The following BCL2L13 variants were observed in gnomAD, a reference collection of about 807,000 sequenced individuals.
BCL2L13 encodes the protein bcl-2-like protein 13.
Under a neutral mutation model 25.8 loss-of-function variants are expected in BCL2L13, and 13 were observed. The observed-to-expected ratio is 0.50, with a 90% CI of 0.33 to 0.80. The LOEUF (loss-of-function observed/expected upper bound fraction) is 0.80. Among genes scored for constraint, BCL2L13 ranks in the 30% least tolerant of loss-of-function variants. The pLI, the probability that BCL2L13 is intolerant of heterozygous loss-of-function variation, is 0.02. For missense variants in BCL2L13, 504 were observed against 574.9 expected, an observed-to-expected ratio of 0.88 and a Z score of 1.26; for synonymous variants, 244 against 230.3, an observed-to-expected ratio of 1.06 and a Z score of -0.54.
intron 6 of BCL2L13, among the ~76,000 whole-genome samples, chr22:17,710,254 T>C (rs1409508441): frequency 2.0e-5 from 3 of 151,636 alleles, no homozygotes; most frequent in Non-Finnish European, 2.9e-5. Context: ...CATTGTAAGG[T>C]AGGGAGGCCA....
chr22:17,629,874 C>G (rs2057969837), intron 1 of BCL2L13, among the ~76,000 whole-genome samples: 1 of 151,140 alleles, frequency 6.6e-6, no homozygotes, highest in African/African-American at 2.4e-5. Context: ...GTCATAAGAA[C>G]GAGGATGTAG....
At chr22:17,677,419 T>G (rs894742637) in intron 2 of BCL2L13, among the ~76,000 whole-genome samples, 1 of 152,174 alleles carries the variant, frequency 6.6e-6, no homozygotes, top group Non-Finnish European at 1.5e-5. Context: ...AATTTGGGAT[T>G]CTTTAATTTG....
At chr22:17,675,793 A>G (rs1304271996) in intron 2 of BCL2L13, among the ~76,000 whole-genome samples, 1 of 152,228 alleles carries the variant, frequency 6.6e-6, no homozygotes, top group African/African-American at 2.4e-5. Context: ...TGCAATGTCC[A>G]ACAAATTTAA....
At chr22:17,694,372 A>G (rs935934943) in intron 4 of BCL2L13, among the ~76,000 whole-genome samples, 7 of 152,072 alleles carry the variant, frequency 4.6e-5, no homozygotes, top group Non-Finnish European at 1.0e-4. Context: ...ATAACACTCC[A>G]AGTTAAAAAT....
intron 1 of BCL2L13, among the ~76,000 whole-genome samples, chr22:17,639,477 C>G (rs1020464340): frequency 6.6e-6 from 1 of 152,172 alleles, no homozygotes; most frequent in Non-Finnish European, 1.5e-5. Flanking sequence ...TCCCAACATT[C>G]TGTAAAGATC....
chr22:17,657,008 G>A (rs1274568794), intron 2 of BCL2L13, among the ~76,000 whole-genome samples: 1 of 152,030 alleles, frequency 6.6e-6, no homozygotes, highest in African/African-American at 2.4e-5. Context: ...TAGTAGAGAC[G>A]GGGTTTCACC....
intron 2 of BCL2L13, among the ~76,000 whole-genome samples, chr22:17,674,203 A>C (rs2059504489): frequency 6.6e-6 from 1 of 152,174 alleles, no homozygotes; most frequent in African/African-American, 2.4e-5. Flanking sequence ...TGAAGTAGAG[A>C]GTTACATTGG....
At chr22:17,693,372 G>GTTTGTTTTTTTTTT (rs1284865411) in intron 4 of BCL2L13, among the ~76,000 whole-genome samples, 1 of 70,612 alleles carries the variant, frequency 1.4e-5, no homozygotes, top group African/African-American at 5.2e-5. Flanking sequence ...TTTAGTGTTT[G>GTTTGTTTTTTTTTT]TTTTTTTTTT....
chr22:17,719,153 C>CAAAAA (rs59630355), intron 6 of BCL2L13, among the ~76,000 whole-genome samples: 7 of 45,492 alleles, frequency 1.5e-4, no homozygotes, highest in Admixed American at 5.7e-4. Flanking sequence ...GGCTCTGTCT[C>CAAAAA]AAAAAAAAAA....
intron 6 of BCL2L13, among the ~76,000 whole-genome samples, chr22:17,710,591 A>G (rs2145754325): frequency 6.6e-6 from 1 of 151,790 alleles, no homozygotes; most frequent in East Asian, 1.9e-4. Context: ...AAAAAAAGTA[A>G]ATAAAAATAA....
intron 4 of BCL2L13, chr22:17,692,396 G>T (rs1436331533): frequency 1.3e-5 from 2 of 152,218 alleles, no homozygotes; most frequent in Non-Finnish European, 2.9e-5. Flanking sequence ...CAAACAACCA[G>T]TAAGGACTAC....
chr22:17,630,066 A>G (rs1397651871), intron 1 of BCL2L13, among the ~76,000 whole-genome samples: 1 of 151,870 alleles, frequency 6.6e-6, no homozygotes, highest in African/African-American at 2.4e-5. Flanking sequence ...CTAAAAATAC[A>G]AAATTAACAG....
At chr22:17,674,084 A>G (rs2059500401) in intron 2 of BCL2L13, among the ~76,000 whole-genome samples, 1 of 152,214 alleles carries the variant, frequency 6.6e-6, no homozygotes, top group South Asian at 2.1e-4. Context: ...ATCATCAAAC[A>G]GCATAGGATA....
chr22:17,679,512 C>T (rs1016333908), intron 2 of BCL2L13, among the ~76,000 whole-genome samples: 1 of 151,688 alleles, frequency 6.6e-6, no homozygotes, highest in African/African-American at 2.4e-5. Flanking sequence ...TCAGGTGATC[C>T]GCCCGCCTTG....
At chr22:17,724,284 C>T (rs1052160202) in intron 6 of BCL2L13, among the ~76,000 whole-genome samples, 1 of 152,108 alleles carries the variant, frequency 6.6e-6, no homozygotes, top group Non-Finnish European at 1.5e-5. Context: ...AAAAATACAA[C>T]AAAAACAATC....
At position 17,642,216 on chromosome 22, in the gene BCL2L13, C is replaced by G. The variant is rs139222972; in HGVS notation, c.-51+3330C>G. ...ATGATCCCACTGCAACCTCGGACTC[C>G]CAGGTTGAACCTAACTCAGTCCCAA... On this transcript the variant is annotated intron_variant, in intron 1 of 6. Coordinates refer to ENST00000317582, the MANE Select transcript of BCL2L13 (RefSeq NM_015367.4). Among the ~76,000 whole-genome samples the G allele has an allele frequency of 9.9e-3, 1,501 of 151,046 alleles. 31 individuals are homozygous for G. The highest frequency in any genetic ancestry group is 0.034 in the African/African-American group (1,399 of 41,062).
At chr22:17,713,450 T>G (rs1012593138) in intron 6 of BCL2L13, among the ~76,000 whole-genome samples, 2 of 143,110 alleles carry the variant, frequency 1.4e-5, no homozygotes, top group African/African-American at 2.6e-5. Flanking sequence ...CCATCATAAG[T>G]TGAAAATGCA....
intron 4 of BCL2L13, among the ~76,000 whole-genome samples, chr22:17,689,736 G>C (rs964647224): frequency 6.6e-6 from 1 of 151,378 alleles, no homozygotes; most frequent in East Asian, 2.0e-4. Flanking sequence ...CCAGCTACTC[G>C]AGAGACTGAG....
chr22:17,651,143 G>T (rs1244890419), intron 1 of BCL2L13, among the ~76,000 whole-genome samples: 1 of 151,730 alleles, frequency 6.6e-6, no homozygotes, highest in Non-Finnish European at 1.5e-5. Context: ...GGGATTACAG[G>T]CATGCGCTAC....
Sources: allele counts gnomAD v4.1 joint callset (sites outside exome capture counted in the v4.1 genomes callset), GRCh38; gene constraint gnomAD v4.1.1; transcripts MANE v1.5; gene names NCBI Gene and HGNC (gene_info 2026-07-23, HGNC 2026-07-21).